MYO1B: variants seen among roughly 807,000 people sequenced by gnomAD.
MYO1B encodes unconventional myosin-Ib.
A neutral mutation model predicts 159.7 loss-of-function variants in MYO1B; 72 were observed. The observed-to-expected ratio is 0.45, with a 90% CI of 0.37 to 0.55. MYO1B has a LOEUF of 0.55. Ranked by LOEUF, MYO1B falls within the 20% of genes least tolerant of loss-of-function variation. The pLI is 0.00. For missense variants in MYO1B, 1,062 were observed against 1,364.8 expected, an observed-to-expected ratio of 0.78 and a Z score of 3.50; for synonymous variants, 468 against 473.8, an observed-to-expected ratio of 0.99 and a Z score of 0.16.
At chr2:191,416,826 A>G (rs1697604560) in intron 30 of MYO1B, among the ~76,000 whole-genome samples, 1 of 152,016 alleles carries the variant, frequency 6.6e-6, no homozygotes, top group South Asian at 2.1e-4. Flanking sequence ...AAAAAAAAAA[A>G]GAGTCAGGGA....
chr2:191,301,775 C>T (rs1177578351), intron 3 of MYO1B, among the ~76,000 whole-genome samples: 1 of 152,236 alleles, frequency 6.6e-6, no homozygotes, highest in Admixed American at 6.5e-5. Context: ...TGTGACAGTG[C>T]ACCTTCAGAT....
At chr2:191,319,013 G>A (rs1262546376) in intron 3 of MYO1B, among the ~76,000 whole-genome samples, 2 of 152,122 alleles carry the variant, frequency 1.3e-5, no homozygotes, top group African/African-American at 4.8e-5. Context: ...GAGGGAGGGA[G>A]TGGCCTCTTT....
At chr2:191,304,583 C>A (rs1426068085) in intron 3 of MYO1B, among the ~76,000 whole-genome samples, 1 of 111,116 alleles carries the variant, frequency 9.0e-6, no homozygotes, top group African/African-American at 2.8e-5. Flanking sequence ...AAAACAACAA[C>A]AGCAACAACA....
At chr2:191,333,968 C>A (rs1039871192) in intron 4 of MYO1B, among the ~76,000 whole-genome samples, 2 of 152,192 alleles carry the variant, frequency 1.3e-5, no homozygotes, top group Admixed American at 6.5e-5. Context: ...CCCCTCCCCC[C>A]ATCCTATTTG....
chr2:191,286,073 C>G (rs1688347672), intron 2 of MYO1B, among the ~76,000 whole-genome samples: 1 of 152,130 alleles, frequency 6.6e-6, no homozygotes, highest in South Asian at 2.1e-4. Flanking sequence ...TATTTAAAAC[C>G]TTCTAATGTT....
At chr2:191,320,846 A>G (rs1017739818) in intron 3 of MYO1B, among the ~76,000 whole-genome samples, 6 of 123,038 alleles carry the variant, frequency 4.9e-5, no homozygotes, top group Non-Finnish European at 9.1e-5. Flanking sequence ...TTTATGCATT[A>G]AAAAAAAAAA....
intron 5 of MYO1B, among the ~76,000 whole-genome samples, chr2:191,345,837 A>G (rs1406749106): frequency 6.6e-6 from 1 of 152,230 alleles, no homozygotes; most frequent in East Asian, 1.9e-4. Context: ...TTCAAGTTCC[A>G]TAAAGCCTTT....
At chr2:191,392,259 T>C (rs1695801352) in intron 19 of MYO1B, 58 bp downstream of exon 19, 2 of 1,277,776 alleles carry the variant, frequency 1.6e-6, no homozygotes, top group Non-Finnish European at 2.2e-6. Context: ...AGGAAAGTTC[T>C]TAAAATATGT....
At chr2:191,379,390 G>C (rs1694912245) in intron 13 of MYO1B, 1 of 152,666 alleles carries the variant, frequency 6.6e-6, no homozygotes, top group Non-Finnish European at 1.5e-5. Flanking sequence ...ATAAAATACA[G>C]AATCCATACA....
intron 1 of MYO1B, chr2:191,248,059 T>A (rs993288043): frequency 1.0e-6 from 1 of 981,552 alleles, no homozygotes; most frequent in African/African-American, 1.7e-5. Flanking sequence ...GTAGCATCCA[T>A]GTTTTTAGCA....
chr2:191,278,067 C>G (rs1687850804), intron 2 of MYO1B, among the ~76,000 whole-genome samples: 1 of 152,170 alleles, frequency 6.6e-6, no homozygotes, highest in Non-Finnish European at 1.5e-5. Context: ...AGATAGCTCT[C>G]TTTTCTAGAT....
intron 1 of MYO1B, among the ~76,000 whole-genome samples, chr2:191,249,912 C>T (rs752455422): frequency 6.6e-6 from 1 of 152,166 alleles, no homozygotes; most frequent in Non-Finnish European, 1.5e-5. Flanking sequence ...CAGGTGAGCA[C>T]CTTCCAACTT....
rs1559257552 is a variant in MYO1B at position 191,423,970 on chromosome 2, C to CCT, written c.*15_*16dup. The CCT allele has an allele frequency of 6.2e-7, 1 of 1,611,866 alleles. No homozygotes were observed. Among genetic ancestry groups the CCT allele is most frequent in the Non-Finnish European group, 8.5e-7 (1 of 1,179,174 alleles). On this transcript the variant is annotated 3_prime_UTR_variant, in exon 31 of 31. Coordinates refer to ENST00000392318, the MANE Select transcript of MYO1B (RefSeq NM_001130158.3). ...AGTTGCTGTCCCTTAACTGGCGCCT[C>CCT]CTCTCTACTTTCATGGACTTGTTCC...
chr2:191,362,410 C>T (rs1473181586), intron 9 of MYO1B, 39 bp downstream of exon 9: 1 of 1,471,818 alleles, frequency 6.8e-7, no homozygotes, highest in Non-Finnish European at 9.5e-7. Flanking sequence ...AAATTGCATA[C>T]CACTGCATTG....
chr2:191,412,552 G>A (rs973842524), intron 27 of MYO1B, among the ~76,000 whole-genome samples: 1 of 152,212 alleles, frequency 6.6e-6, no homozygotes, highest in Non-Finnish European at 1.5e-5. Context: ...CTGCAAAGTG[G>A]CAGCTCTTAT....
chr2:191,266,683 G>T (rs780872863), intron 1 of MYO1B, among the ~76,000 whole-genome samples: 16 of 152,126 alleles, frequency 1.1e-4, no homozygotes, highest in Non-Finnish European at 1.8e-4. Context: ...TTTAAAGGAA[G>T]GTTTTGCCTG....
At chr2:191,255,129 A>G (rs955855277) in intron 1 of MYO1B, among the ~76,000 whole-genome samples, 1 of 151,312 alleles carries the variant, frequency 6.6e-6, no homozygotes, top group East Asian at 2.0e-4. Flanking sequence ...GGGTCTTTCT[A>G]TGTTGCCCAG....
chr2:191,368,484 G>A (rs1487276043), intron 11 of MYO1B, among the ~76,000 whole-genome samples: 2 of 152,060 alleles, frequency 1.3e-5, no homozygotes, highest in African/African-American at 2.4e-5. Flanking sequence ...TGCATTTAAG[G>A]GTGTTTAGAT....
intron 3 of MYO1B, among the ~76,000 whole-genome samples, chr2:191,310,416 T>C (rs1042910313): frequency 1.3e-5 from 2 of 152,154 alleles, no homozygotes; most frequent in Admixed American, 6.5e-5. Context: ...TTGACCAGGC[T>C]GGTCTCGAAC....
Sources: gnomAD v4.1 joint callset for allele counts (sites outside exome capture counted in the v4.1 genomes callset) on GRCh38, gnomAD v4.1.1 for gene constraint, MANE v1.5 for transcripts, NCBI Gene and HGNC (gene_info 2026-07-23, HGNC 2026-07-21) for gene names.